The following CCDC112 variants were observed in gnomAD, a reference collection of about 807,000 sequenced individuals.
The protein encoded by CCDC112 is coiled-coil domain containing 112, also known as coiled-coil domain-containing protein 112.
A neutral mutation model predicts 66.3 loss-of-function variants in CCDC112; 40 were observed. That is an observed-to-expected ratio of 0.60 (90% CI 0.47 to 0.79). The LOEUF is 0.79. Among genes scored for constraint, CCDC112 ranks in the 30% least tolerant of loss-of-function variants. CCDC112 has a pLI of 0.00. For synonymous variants in CCDC112, 214 were observed against 197.2 expected (o/e 1.09, Z -0.71); for missense variants, 659 against 603.8 (o/e 1.09, Z -0.96).
chr5:115,275,637 A>C (rs774278842), intron 5 of CCDC112, 31 bp from the exon 6 acceptor site: 1 of 1,444,850 alleles, frequency 6.9e-7, no homozygotes, highest in Non-Finnish European at 9.4e-7. Context: ...TTTGAATAAG[A>C]AGACAATCCA....
At chr5:115,284,282 A>G (rs1195867146) in intron 2 of CCDC112, among the ~76,000 whole-genome samples, 1 of 152,160 alleles carries the variant, frequency 6.6e-6, no homozygotes, top group Non-Finnish European at 1.5e-5. Flanking sequence ...CCATTTATTA[A>G]CCATGTAACC....
At chr5:115,284,730 A>G (rs1749602455) in intron 2 of CCDC112, 57 bp downstream of exon 2, 2 of 1,392,664 alleles carry the variant, frequency 1.4e-6, no homozygotes, top group Non-Finnish European at 2.0e-6. Context: ...TTAATTTTTT[A>G]TTGTCCATTA....
chr5:115,290,881 TTG>T (rs888545270), intron 1 of CCDC112, among the ~76,000 whole-genome samples: 19 of 152,202 alleles, frequency 1.2e-4, no homozygotes, highest in Non-Finnish European at 2.5e-4. Flanking sequence ...TAAGTTTTTT[TTG>T]TGTGTGTGTG....
At chr5:115,291,269 T>C (rs965706437) in intron 1 of CCDC112, among the ~76,000 whole-genome samples, 7 of 152,160 alleles carry the variant, frequency 4.6e-5, no homozygotes, top group African/African-American at 1.7e-4. Flanking sequence ...ATTCTATTAA[T>C]ATGTAGTATT....
intron 8 of CCDC112, 75 bp from the exon 9 acceptor site, chr5:115,269,075 G>C: frequency 1.3e-6 from 1 of 785,648 alleles, no homozygotes; most frequent in Non-Finnish European, 2.0e-6. Context: ...AAAAGCCTTA[G>C]TGCAGTTTTA....
chr5:115,268,895 G>A lies in CCDC112; in HGVS notation c.1534C>T (p.His512Tyr). The change falls in exon 9 of 10, where the codon CAT becomes TAT. Residue 512 changes from histidine to tyrosine, a missense_variant. By Grantham distance (83) the His-to-Tyr change is moderately conservative (BLOSUM62 2). Transcript: ENST00000379611. ...ACTCTTTCTTACCTATGTGGGATAT[G>A]TAGAAGTGGCCCAGAGCCTGTTGGT... ...IGPTGSGPLL[H>Y]IPHRAIPTWR... 6.3e-7 allele frequency: 1 copy of A among 1,592,320 alleles called. No individual in the cohort carries two copies. Among genetic ancestry groups the A allele is most frequent in the Non-Finnish European group, 8.6e-7 (1 of 1,168,330 alleles).
Position 115,296,552 on chromosome 5 carries a change from G to A in CCDC112, c.-9C>T. On this transcript the variant is annotated 5_prime_UTR_variant, in exon 1 of 10. Coordinates refer to ENST00000379611, the MANE Select transcript of CCDC112 (RefSeq NM_001040440.3). ...GTCGTCAGTGCGGCCATGTTTACCC[G>A]CCGAGCTACTCGGGCCGCGGCGGCC... 1.3e-6 allele frequency: 2 copies of A among 1,482,452 alleles called. No individual in the cohort carries two copies. The highest frequency in any genetic ancestry group is 1.8e-6 in the Non-Finnish European group (2 of 1,119,468). The allele number at this position is 1,482,452 out of a possible 1,614,324, so 91.8% of individuals were successfully genotyped here.
chr5:115,276,880 A>T, intron 4 of CCDC112, 85 bp downstream of exon 4: 2 of 824,814 alleles, frequency 2.4e-6, no homozygotes, highest in South Asian at 1.6e-5. Context: ...TTAAGTCCTA[A>T]CCAATAAAGT....
intron 1 of CCDC112, among the ~76,000 whole-genome samples, chr5:115,292,229 T>G (rs1408592740): frequency 6.6e-6 from 1 of 152,208 alleles, no homozygotes; most frequent in Admixed American, 6.5e-5. Context: ...TAATGTGAAT[T>G]GACCTATCTT....
intron 1 of CCDC112, among the ~76,000 whole-genome samples, chr5:115,291,374 T>C (rs1305018238): frequency 6.6e-6 from 1 of 152,144 alleles, no homozygotes; most frequent in South Asian, 2.1e-4. Flanking sequence ...TTTTTAGATA[T>C]GTTTGCTAGT....
chr5:115,268,924 A>G lies in CCDC112; in HGVS notation c.1505T>C (p.Ile502Thr), dbSNP rs763880798. 1.9e-6 allele frequency: 3 copies of G among 1,606,952 alleles called. No individual in the cohort carries two copies. The South Asian group carries it at 3.3e-5, about 18-fold the overall frequency. The change falls in exon 9 of 10, where the codon ATA (isoleucine) becomes ACA (threonine). Residue 502 changes from isoleucine (I) to threonine (T), a missense_variant. Ile to Thr is a moderately conservative substitution (Grantham distance 89). Transcript: ENST00000379611. ...TKGWEERTKK[I>T]GPTGSGPLLH... Reference sequence around the variant, plus strand: ...AAGTGGCCCAGAGCCTGTTGGTCCTATCTTTTTGGTTCGTTCTTCCCAACC... The same window carrying G: ...AAGTGGCCCAGAGCCTGTTGGTCCTGTCTTTTTGGTTCGTTCTTCCCAACC...
Position 115,275,616 on chromosome 5 carries a change from TA to T in CCDC112, c.528-11del. On this transcript the variant is annotated splice_polypyrimidine_tract_variant and intron_variant, in intron 5 of 9. Coordinates refer to ENST00000379611, the MANE Select transcript of CCDC112 (RefSeq NM_001040440.3). The stretch of plus-strand genomic sequence containing the variant: ...AATTAGCTCTTCATATCTAAAATTT[TA>T]AAAATAAAGTTTGAATAAGAAGACA... 1 of 1,519,284 alleles carries T rather than the reference TA, an allele frequency of 6.6e-7. No individual in the cohort carries two copies. The highest frequency in any genetic ancestry group is 8.9e-7 in the Non-Finnish European group (1 of 1,121,756). 94.1% of individuals were successfully genotyped at this position (1,519,284 alleles called of 1,614,324 possible).
In CCDC112 at chr5:115,275,307, A is replaced by G. The variant is rs772952072; in HGVS notation, c.827T>C (p.Leu276Pro). 5.4e-5 allele frequency: 87 copies of G among 1,613,936 alleles called. No homozygotes were observed. The highest frequency in any genetic ancestry group is 6.9e-5 in the Non-Finnish European group (81 of 1,179,972). ...KGKPTFMEEV[L>P]EHLPGKTQDE... Reference sequence around the variant, plus strand: ...TTGTGTTTTTCCAGGAAGGTGTTCTAGAACTTCTTCCATAAATGTTGGCTT... The same window carrying G: ...TTGTGTTTTTCCAGGAAGGTGTTCTGGAACTTCTTCCATAAATGTTGGCTT... Residue 276 changes from leucine to proline, a missense_variant, in exon 6 of 10, where the codon CTA becomes CCA. Coordinates refer to ENST00000379611, the MANE Select transcript of CCDC112 (RefSeq NM_001040440.3).
At chr5:115,268,444 T>G (rs891840489) in intron 9 of CCDC112, among the ~76,000 whole-genome samples, 3 of 151,810 alleles carry the variant, frequency 2.0e-5, no homozygotes, top group Non-Finnish European at 4.4e-5. Context: ...TAATTTTTTT[T>G]GTATTTTTAG....
chr5:115,279,568 T>C (rs757018460), intron 3 of CCDC112, 79 bp downstream of exon 3: 105 of 1,392,428 alleles, frequency 7.5e-5, no homozygotes, highest in Non-Finnish European at 4.1e-5. Context: ...ATACAGTCAA[T>C]GCACAAAGAC....
chr5:115,284,877 A>T lies in CCDC112; in HGVS notation c.149T>A (p.Ile50Asn). 6.2e-7 allele frequency: 1 copy of T among 1,612,988 alleles called. No homozygotes were observed. Among genetic ancestry groups the T allele is most frequent in the Non-Finnish European group, 8.5e-7 (1 of 1,179,226 alleles). Residue 50 changes from isoleucine (I) to asparagine (N), a missense_variant, in exon 2 of 10, where the codon ATT (isoleucine) becomes AAT (asparagine). Coordinates refer to ENST00000379611, the MANE Select transcript of CCDC112 (RefSeq NM_001040440.3). ...CCAGTTCTGAAGATGAAAAGGACGA[A>T]TTCCACCTGAAGTACTAAAACAGCC... ...SDGCFSTSGG[I>N]RPFHLQNWKQ...
intron 1 of CCDC112, chr5:115,296,086 G>C: frequency 9.7e-7 from 1 of 1,033,874 alleles, no homozygotes; most frequent in Non-Finnish European, 1.2e-6. Context: ...GGGCTCCCCA[G>C]ACATAACGTT....
intron 2 of CCDC112, among the ~76,000 whole-genome samples, chr5:115,283,146 A>C (rs1302117663): frequency 6.6e-6 from 1 of 152,134 alleles, no homozygotes; most frequent in Non-Finnish European, 1.5e-5. Context: ...CTGAATACTA[A>C]AGATATATGT....
intron 1 of CCDC112, among the ~76,000 whole-genome samples, chr5:115,290,630 C>T (rs992884033): frequency 6.6e-6 from 1 of 152,114 alleles, no homozygotes. Context: ...ATTAAGTATT[C>T]ATTTATATAA....
Sources: gnomAD v4.1 joint callset for allele counts (sites outside exome capture counted in the v4.1 genomes callset) on GRCh38, gnomAD v4.1.1 for gene constraint, MANE v1.5 for transcripts, NCBI Gene and HGNC (gene_info 2026-07-23, HGNC 2026-07-21) for gene names.